The following MID1 variants were observed in gnomAD, a reference collection of about 807,000 sequenced individuals.
MID1 encodes the protein E3 ubiquitin-protein ligase Midline-1.
MID1 carries 7 observed loss-of-function variants against 40.4 expected under a neutral mutation model. The observed-to-expected ratio is 0.17, with a 90% CI of 0.10 to 0.33. The LOEUF (loss-of-function observed/expected upper bound fraction) is 0.33, where lower values mean the gene tolerates loss of function less well. Ranked by LOEUF, MID1 falls within the 10% of genes least tolerant of loss-of-function variation. The probability of loss-of-function intolerance (pLI) is 1.00; values close to 1 mark genes in which losing one functional copy is unlikely to be tolerated. For synonymous variants in MID1, 229 were observed against 221.2 expected, an observed-to-expected ratio of 1.04 and a Z score of -0.31; for missense variants, 367 against 558.5, an observed-to-expected ratio of 0.66 and a Z score of 3.46.
chrX:10,624,801 T>A (rs1040051281), upstream of MID1, among the ~76,000 whole-genome samples: 4 of 110,691 alleles, frequency 3.6e-5, no homozygotes, highest in Admixed American at 3.9e-4. Context: ...TTTGTAGAGA[T>A]GGGGGTCTTG....
chrX:10,736,818 A>G (rs2043490920), intron 1 of MID1, among the ~76,000 whole-genome samples: 2 of 112,381 alleles, frequency 1.8e-5, no homozygotes, highest in African/African-American at 6.5e-5. Flanking sequence ...ATCTTTAAAT[A>G]AAATCAGAAA....
rs1555908766 is a variant in MID1, at chrX:10,592,169, GTA to G, written c.-56-24568_-56-24567del. Among the ~76,000 whole-genome samples the G allele has an allele frequency of 2.4e-3, 247 of 102,820 alleles. 3 individuals are homozygous for G. The highest frequency in any genetic ancestry group is 8.2e-3 in the African/African-American group (229 of 27,976). The allele number at this position is 102,820 out of a possible 115,157, so 89.3% of individuals were successfully genotyped here. ...GTGGTGTGTGTGTGTGTGTGTGTGT[GTA>G]TATGTGTGTGTGTCCATTAAAAAAA... is the stretch of plus-strand genomic sequence containing the variant. On this transcript the variant is annotated intron_variant, in intron 1 of 9. Coordinates refer to ENST00000317552, the MANE Select transcript of MID1 (RefSeq NM_000381.4).
At chrX:10,542,837 A>T (rs1244076736) in intron 2 of MID1, among the ~76,000 whole-genome samples, 1 of 112,101 alleles carries the variant, frequency 8.9e-6, no homozygotes, top group African/African-American at 3.2e-5. Context: ...TCATAATTAT[A>T]TTTGAGTTTA....
rs926113128 is a variant in MID1 at position 10,833,161 on chromosome X, C to T, written c.-187+393G>A. Among the ~76,000 whole-genome samples the T allele has an allele frequency of 6.2e-5, 7 of 112,101 alleles. 1 individual carries two copies. On this transcript the variant is annotated intron_variant, in intron 1 of 10. Coordinates refer to the MID1 transcript ENST00000380785. Reference sequence around the variant, plus strand: ...GACAAATTACGCTTTTGCAGAATATCACACTGCCTGTGGTTTTAAAAACCC... The same window carrying T: ...GACAAATTACGCTTTTGCAGAATATTACACTGCCTGTGGTTTTAAAAACCC...
chrX:10,780,433 G>C lies in MID1; in HGVS notation c.-187+53121C>G, dbSNP rs73491016. ...GGGCTCTGATGGTGGGAGGGGTGTG[G>C]AGGTGTGGAGAATTGAAAGTAGGGA... On this transcript the variant is annotated intron_variant, in intron 1 of 10. Coordinates refer to the MID1 transcript ENST00000380785. 8.9e-3 allele frequency among the ~76,000 whole-genome samples: 996 copies of C among 111,883 alleles called. 12 individuals are homozygous for C. Among genetic ancestry groups the C allele is most frequent in the African/African-American group, 0.031 (959 of 30,752 alleles).
At chrX:10,650,939 TC>T (rs1289074364) in intron 1 of MID1, among the ~76,000 whole-genome samples, 1 of 111,290 alleles carries the variant, frequency 9.0e-6, no homozygotes. Flanking sequence ...TCCCTTGCAA[TC>T]CCCTTATAGC....
At chrX:10,770,976 G>A (rs1160344438) in intron 1 of MID1, among the ~76,000 whole-genome samples, 3 of 109,004 alleles carry the variant, frequency 2.8e-5, no homozygotes, top group African/African-American at 1.0e-4. Flanking sequence ...CGTGGTGGCG[G>A]GCGCCTGTAA....
At chrX:10,459,594 T>C in intron 8 of MID1, 52 bp downstream of exon 8, 1 of 1,163,947 alleles carries the variant, frequency 8.6e-7, no homozygotes. Context: ...CAGAGTCAGC[T>C]GAAAGAAGAG....
intron 1 of MID1, among the ~76,000 whole-genome samples, chrX:10,810,022 A>G (rs762709479): frequency 8.9e-6 from 1 of 112,049 alleles, no homozygotes; most frequent in South Asian, 3.7e-4. Context: ...AAATATTCAT[A>G]ACGTAAAATT....
At position 10,502,349 on chromosome X, in the gene MID1, A is replaced by G. The variant is rs1051681935; in HGVS notation, c.757-6658T>C. 2.7e-5 allele frequency among the ~76,000 whole-genome samples: 3 copies of G among 112,474 alleles called. No homozygotes were observed. The East Asian group carries it at 8.3e-4, about 31-fold the overall frequency. ...CCTTATAATTCCTCTTGTGAAAATG[A>G]CACACTGACTTGATATATCACTTCT... On this transcript the variant is annotated intron_variant, in intron 3 of 9. Coordinates refer to ENST00000317552, the MANE Select transcript of MID1 (RefSeq NM_000381.4).
At chrX:10,752,095 G>T (rs2147115063) in intron 1 of MID1, among the ~76,000 whole-genome samples, 1 of 111,429 alleles carries the variant, frequency 9.0e-6, no homozygotes, top group Non-Finnish European at 1.9e-5. Flanking sequence ...TTCCTGTACA[G>T]CCTGCAGAAC....
At chrX:10,551,007 C>T (rs915669706) in intron 2 of MID1, among the ~76,000 whole-genome samples, 4 of 111,426 alleles carry the variant, frequency 3.6e-5, no homozygotes, top group Non-Finnish European at 5.7e-5. Context: ...CGTTCCAGGA[C>T]CCCTATGAAT....
intron 1 of MID1, among the ~76,000 whole-genome samples, chrX:10,809,287 A>G (rs1457630294): frequency 3.6e-5 from 4 of 111,758 alleles, no homozygotes; most frequent in East Asian, 2.8e-4. Flanking sequence ...AACAGGTGCT[A>G]GAGAGGATGT....
chrX:10,630,541 G>A (rs191722700), intron 1 of MID1, among the ~76,000 whole-genome samples: 64 of 108,380 alleles, frequency 5.9e-4, no homozygotes, highest in African/African-American at 2.2e-3. Context: ...TGTGCGGGGG[G>A]CGGGGGCAGT....
chrX:10,572,728 C>T (rs1391760147), intron 1 of MID1, among the ~76,000 whole-genome samples: 1 of 110,876 alleles, frequency 9.0e-6, no homozygotes, highest in African/African-American at 3.3e-5. Flanking sequence ...TATAGCTTAA[C>T]ATTTTTGTGA....
chrX:10,644,046 C>T (rs1188509635), intron 1 of MID1, among the ~76,000 whole-genome samples: 2 of 111,058 alleles, frequency 1.8e-5, no homozygotes, highest in Non-Finnish European at 3.8e-5. Flanking sequence ...AGGAGATATA[C>T]CTTATGTAAA....
intron 1 of MID1, among the ~76,000 whole-genome samples, chrX:10,619,404 CA>C (rs200579592): frequency 0.042 from 4,760 of 112,670 alleles, 92 homozygotes; most frequent in African/African-American, 0.078. Flanking sequence ...CCTGCCCTTC[CA>C]AGCCTATTGG....
At chrX:10,808,542 C>G (rs964850470) in intron 1 of MID1, among the ~76,000 whole-genome samples, 5 of 110,353 alleles carry the variant, frequency 4.5e-5, no homozygotes, top group Non-Finnish European at 9.5e-5. Flanking sequence ...CTATGGACCC[C>G]TCTCTATGGT....
chrX:10,590,050 GGTA>G (rs1166895483), intron 1 of MID1: 3 of 110,878 alleles, frequency 2.7e-5, no homozygotes, highest in Non-Finnish European at 3.8e-5. Context: ...GCAAGCAGGG[GGTA>G]CGTGACAGGG....
Sources: allele counts gnomAD v4.1 joint callset (sites outside exome capture counted in the v4.1 genomes callset), GRCh38; gene constraint gnomAD v4.1.1; transcripts MANE v1.5; gene names NCBI Gene and HGNC (gene_info 2026-07-23, HGNC 2026-07-21).